XDH: variants seen among roughly 807,000 people sequenced by gnomAD.
The protein encoded by XDH is xanthine dehydrogenase.
In XDH, 138 loss-of-function variants were observed where a neutral mutation model predicts 156.1. That is an observed-to-expected ratio of 0.88 (90% CI 0.77 to 1.02). The LOEUF (loss-of-function observed/expected upper bound fraction) is 1.02, where lower values mean the gene tolerates loss of function less well. Ranked by LOEUF, XDH falls within the 50% of genes least tolerant of loss-of-function variation. The pLI is 0.00. For synonymous variants in XDH, 669 were observed against 625.7 expected (o/e 1.07, Z -1.03); for missense variants, 1,849 against 1,684.9 (o/e 1.10, Z -1.71).
intron 30 of XDH, among the ~76,000 whole-genome samples, chr2:31,346,164 G>T (rs1685283537): frequency 6.6e-6 from 1 of 152,182 alleles, no homozygotes; most frequent in African/African-American, 2.4e-5. Flanking sequence ...CTTGCTGGAG[G>T]AGCCACAGCC....
intron 4 of XDH, among the ~76,000 whole-genome samples, chr2:31,400,977 C>T (rs1687042438): frequency 6.6e-6 from 1 of 152,200 alleles, no homozygotes; most frequent in Non-Finnish European, 1.5e-5. Context: ...CTCTTGGGTC[C>T]CTTCAGATCA....
intron 6 of XDH, among the ~76,000 whole-genome samples, chr2:31,392,652 T>C (rs1686798275): frequency 6.6e-6 from 1 of 152,112 alleles, no homozygotes; most frequent in Admixed American, 6.5e-5. Flanking sequence ...CTTGAACTCC[T>C]GACCTCGTGA....
intron 30 of XDH, among the ~76,000 whole-genome samples, 177 bp downstream of exon 30, chr2:31,346,592 G>A (rs1685300286): frequency 6.6e-6 from 1 of 152,246 alleles, no homozygotes; most frequent in South Asian, 2.1e-4. Flanking sequence ...TATAGAGAAA[G>A]GGACCCAGCC....
At position 31,398,709 on chromosome 2, in the gene XDH, A is replaced by G. The variant is rs1424012681; in HGVS notation, c.307-10T>C. On this transcript the variant is annotated splice_polypyrimidine_tract_variant and intron_variant, in intron 4 of 35. Transcript: ENST00000379416. ...TTTTGGCAATTCTCTCCTAAAAGAT[A>G]CAGATGACATAGACACCTGGGATGG... 6.2e-7 allele frequency: 1 copy of G among 1,613,402 alleles called. No homozygotes were observed. The highest frequency in any genetic ancestry group is 1.1e-5 in the South Asian group (1 of 91,050).
Position 31,335,867 on chromosome 2 carries a change from G to C in XDH, c.*91C>G. 7.0e-7 allele frequency: 1 copy of C among 1,431,354 alleles called. No individual in the cohort carries two copies. The highest frequency in any genetic ancestry group is 9.9e-7 in the Non-Finnish European group (1 of 1,013,968). 88.7% of individuals were successfully genotyped at this position (1,431,354 alleles called of 1,614,324 possible). On this transcript the variant is annotated 3_prime_UTR_variant, in exon 36 of 36. Transcript: ENST00000379416. ...ACAAATCACAGGTCTGTCATTCTGT[G>C]ACTTTAATAGATCCATGTTCTGTGG...
Position 31,388,273 on chromosome 2 carries a change from T to A in XDH, c.518A>T (p.Asp173Val). The A allele has an allele frequency of 1.2e-6, 2 of 1,614,126 alleles. No homozygotes were observed. Among genetic ancestry groups the A allele is most frequent in the African/African-American group, 1.3e-5 (1 of 75,034 alleles). Residue 173 changes from aspartate (D) to valine (V), a missense_variant, in exon 7 of 36, where the codon GAT (aspartate) becomes GTT (valine). Asp to Val is a radical substitution (Grantham distance 152). Coordinates refer to ENST00000379416, the MANE Select transcript of XDH (RefSeq NM_000379.4). Reference sequence around the variant, plus strand: ...CATGCAGCAATTTGGATTATTCCCATCTCCTCCACAGCATCCACCATCCTA... The same window carrying A: ...CATGCAGCAATTTGGATTATTCCCAACTCCTCCACAGCATCCACCATCCTA... ...FARDGGCCGG[D>V]GNNPNCCMNQ...
rs558460683 is a variant in XDH, at chr2:31,338,099, T to C, written c.3775-282A>G. On this transcript the variant is annotated intron_variant, in intron 34 of 35. Transcript: ENST00000379416. ...ACATCATGCACATATAATGTACCAT[T>C]TAAAGTTATACTCGGTAATTGTATT... 1.5e-3 allele frequency among the ~76,000 whole-genome samples: 235 copies of C among 152,330 alleles called. 2 individuals carry two copies. Among genetic ancestry groups the C allele is most frequent in the African/African-American group, 5.5e-3 (227 of 41,566 alleles).
At chr2:31,370,334 A>G (rs1438952853) in intron 18 of XDH, 21 bp downstream of exon 18, 2 of 1,613,748 alleles carry the variant, frequency 1.2e-6, no homozygotes, top group African/African-American at 1.3e-5. Context: ...TTTACTTCAT[A>G]TAAAAAAATC....
intron 6 of XDH, among the ~76,000 whole-genome samples, chr2:31,389,438 CCCAG>C (rs1686703609): frequency 6.6e-6 from 1 of 152,158 alleles, no homozygotes; most frequent in South Asian, 2.1e-4. Flanking sequence ...TGAGCCTCCC[CCCAG>C]CCAGCCACCT....
chr2:31,394,915 C>A (rs1317634197), intron 6 of XDH, among the ~76,000 whole-genome samples: 4 of 152,196 alleles, frequency 2.6e-5, no homozygotes, highest in Non-Finnish European at 5.9e-5. Flanking sequence ...TCTCTGCTTA[C>A]ATTATCCATC....
intron 4 of XDH, 92 bp downstream of exon 4, chr2:31,401,128 A>C: frequency 2.1e-6 from 3 of 1,438,888 alleles, no homozygotes; most frequent in Non-Finnish European, 2.9e-6. Flanking sequence ...ACTCTTCCCA[A>C]CAACCCAAAG....
In XDH at chr2:31,377,062, T is replaced by C. The variant is rs747209926; in HGVS notation, c.1418A>G (p.Gln473Arg). Residue 473 changes from glutamine to arginine, a missense_variant, in exon 14 of 36, where the codon CAG becomes CGG. Coordinates refer to ENST00000379416, the MANE Select transcript of XDH (RefSeq NM_000379.4). ...TGCTGTTAGCTCTTACTTGGAAAGCTGCCTCTGAGTGGTCTTGAGGGCTGA... is the reference window on the plus strand; with the variant it reads ...TGCTGTTAGCTCTTACTTGGAAAGCCGCCTCTGAGTGGTCTTGAGGGCTGA... ...TISALKTTQR[Q>R]LSKLWKEELL... 6.2e-7 allele frequency: 1 copy of C among 1,614,162 alleles called. No homozygotes were observed. The highest frequency in any genetic ancestry group is 1.7e-5 in the Admixed American group (1 of 60,022).
intron 23 of XDH, 41 bp from the exon 24 acceptor site, chr2:31,364,285 G>A (rs760917872): frequency 3.2e-5 from 51 of 1,588,588 alleles, no homozygotes; most frequent in South Asian, 2.0e-4. Flanking sequence ...CATAAGTCCC[G>A]TTTCCCCCAC....
In XDH at chr2:31,364,143, G is replaced by A; in HGVS notation, c.2631+15C>T. On this transcript the variant is annotated intron_variant, in intron 24 of 35. Transcript: ENST00000379416. ...GTCAGCTCTGGGTGCAGGGGCGGCT[G>A]CAGGTCCTACTCACACTCTGAGAGA... 1 of 1,613,178 alleles carries A rather than the reference G, an allele frequency of 6.2e-7. No individual in the cohort carries two copies. Among genetic ancestry groups the A allele is most frequent in the Non-Finnish European group, 8.5e-7 (1 of 1,179,666 alleles).
chr2:31,386,868 A>G (rs1470666417), intron 8 of XDH, among the ~76,000 whole-genome samples: 1 of 122,048 alleles, frequency 8.2e-6, no homozygotes, highest in Non-Finnish European at 1.7e-5. Flanking sequence ...GCTGAAAGCC[A>G]GATTCCTTGC....
In XDH at chr2:31,377,342, A is replaced by G. The variant is rs953201027; in HGVS notation, c.1243-105T>C. 2.2e-5 allele frequency: 28 copies of G among 1,245,378 alleles called. No homozygotes were observed. The Admixed American group carries it at 4.4e-4, about 20-fold the overall frequency. 77.1% of individuals were successfully genotyped at this position (1,245,378 alleles called of 1,614,324 possible). A position where few individuals can be genotyped will look rare whatever the true frequency, so the allele number is the denominator to read the frequency against. Reference sequence around the variant, plus strand: ...TGAGGTGAGGTGAGGGGATAACACCATCACACATCAGTGGGTGAACTGGCC... The same window carrying G: ...TGAGGTGAGGTGAGGGGATAACACCGTCACACATCAGTGGGTGAACTGGCC... On this transcript the variant is annotated intron_variant, in intron 13 of 35. Transcript: ENST00000379416.
In XDH at chr2:31,398,846, C is replaced by A. The variant is rs765258324; in HGVS notation, c.307-147G>T. ...AAGCCCCAGTGCCACCATTTACCAA[C>A]TGTGACCTTGGCCAGTTTCCAAGCC... On this transcript the variant is annotated intron_variant, in intron 4 of 35. Transcript: ENST00000379416. 618 of 1,357,326 alleles carry A rather than the reference C, an allele frequency of 4.6e-4. 1 individual carries two copies. Among genetic ancestry groups the A allele is most frequent in the Non-Finnish European group, 5.7e-4 (562 of 984,002 alleles). 84.1% of individuals were successfully genotyped at this position (1,357,326 alleles called of 1,614,324 possible).
intron 6 of XDH, among the ~76,000 whole-genome samples, chr2:31,394,402 T>G (rs78656026): frequency 0.019 from 2,953 of 152,302 alleles, 87 homozygotes; most frequent in African/African-American, 0.067. Flanking sequence ...ATATTTGCTC[T>G]TCTATAGGTG....
At position 31,336,104 on chromosome 2, in the gene XDH, A is replaced by G; in HGVS notation, c.3952-96T>C. 3 of 1,333,548 alleles carry G rather than the reference A, an allele frequency of 2.2e-6. 1 individual carries two copies. In the South Asian group the frequency reaches 3.5e-5, roughly 16 times the overall value. The allele number at this position is 1,333,548 out of a possible 1,614,324, so 82.6% of individuals were successfully genotyped here. ...TCACCTCCCACCACTGCCAACCATC[A>G]TTCCAAGGCCAAGCACCACTCTGCA... is the stretch of plus-strand genomic sequence containing the variant. On this transcript the variant is annotated intron_variant, in intron 35 of 35. Coordinates refer to ENST00000379416, the MANE Select transcript of XDH (RefSeq NM_000379.4).
Sources: allele counts gnomAD v4.1 joint callset (sites outside exome capture counted in the v4.1 genomes callset), GRCh38; gene constraint gnomAD v4.1.1; transcripts MANE v1.5; gene names NCBI Gene and HGNC (gene_info 2026-07-23, HGNC 2026-07-21).